The following FOXJ3 variants were observed in gnomAD, a reference collection of about 807,000 sequenced individuals.
FOXJ3 encodes forkhead box protein J3.
Under a neutral mutation model 76.1 loss-of-function variants are expected in FOXJ3, and 22 were observed. The observed-to-expected ratio is 0.29, with a 90% CI of 0.21 to 0.41. The LOEUF (loss-of-function observed/expected upper bound fraction) is 0.41. FOXJ3 is among the 10% of genes least tolerant of loss of function. The pLI is 1.00. For synonymous variants in FOXJ3, 269 were observed against 261.2 expected (o/e 1.03, Z -0.29); for missense variants, 613 against 762.1 (o/e 0.80, Z 2.30).
In FOXJ3 at chr1:42,278,542, G is replaced by A; in HGVS notation, c.175C>T (p.Leu59Phe). The A allele has an allele frequency of 6.2e-7, 1 of 1,614,124 alleles. No individual in the cohort carries two copies. Among genetic ancestry groups the A allele is most frequent in the Non-Finnish European group, 8.5e-7 (1 of 1,179,988 alleles). Residue 59 changes from leucine (L) to phenylalanine (F), a missense_variant, in exon 3 of 13, where the codon CTC becomes TTC. Around this residue, in one of 3 missense-constraint regions of FOXJ3, gnomAD observed 77 missense variants for 115.1 expected, o/e 0.67. Coordinates refer to ENST00000361346, the MANE Select transcript of FOXJ3 (RefSeq NM_014947.5). The stretch of plus-strand genomic sequence containing the variant: ...TCCAGAGTTGTATTTGGGTCAAGGA[G>A]TGCATTCTTCTTAGAAATTCCTGTT... Reference protein sequence around the residue: ...HGTGISKKNALLDPNTTLDQE... With the variant: ...HGTGISKKNAFLDPNTTLDQE...
chr1:42,179,854 G>T, intron 12 of FOXJ3, 29 bp from the exon 13 acceptor site: 1 of 1,409,854 alleles, frequency 7.1e-7, no homozygotes, highest in South Asian at 1.2e-5. Context: ...TAATAGCAGC[G>T]ACTTGGGTAG....
rs72637929 is a variant in FOXJ3, at chr1:42,265,592, T to C, written c.370-403A>G. ...CTTGGAAATAAGCCAGAATGCAAAATGTAAGAAGTTACTCTACATGAAATT... is the reference window on the plus strand; with the variant it reads ...CTTGGAAATAAGCCAGAATGCAAAACGTAAGAAGTTACTCTACATGAAATT... On this transcript the variant is annotated intron_variant, in intron 3 of 12. Coordinates refer to ENST00000361346, the MANE Select transcript of FOXJ3 (RefSeq NM_014947.5). Among the ~76,000 whole-genome samples the C allele has an allele frequency of 1.7e-3, 256 of 152,294 alleles. 8 individuals carry two copies. In the East Asian group the frequency reaches 0.046, roughly 27 times the overall value.
intron 3 of FOXJ3, among the ~76,000 whole-genome samples, chr1:42,272,317 A>C (rs1329573335): frequency 3.9e-5 from 6 of 152,234 alleles, no homozygotes; most frequent in Non-Finnish European, 7.3e-5. Context: ...GTTCTAAACA[A>C]AACTAAGGAG....
chr1:42,289,362 C>A (rs1284633217), intron 2 of FOXJ3, among the ~76,000 whole-genome samples: 1 of 152,036 alleles, frequency 6.6e-6, no homozygotes, highest in Non-Finnish European at 1.5e-5. Flanking sequence ...AACCTCTAAG[C>A]CTCAAAGAAG....
intron 2 of FOXJ3, among the ~76,000 whole-genome samples, chr1:42,278,941 T>A (rs542328820): frequency 6.6e-6 from 1 of 152,320 alleles, no homozygotes; most frequent in East Asian, 1.9e-4. Flanking sequence ...GTGGTTCCGA[T>A]GCCAATCTTT....
chr1:42,299,772 G>T (rs1298413783), intron 2 of FOXJ3, among the ~76,000 whole-genome samples: 1 of 152,092 alleles, frequency 6.6e-6, no homozygotes, highest in African/African-American at 2.4e-5. Context: ...GCCAGGTGTG[G>T]TGGTACACAC....
At chr1:42,205,276 ACAAC>A (rs1161925094) in intron 6 of FOXJ3, among the ~76,000 whole-genome samples, 2 of 152,202 alleles carry the variant, frequency 1.3e-5, no homozygotes, top group African/African-American at 4.8e-5. Flanking sequence ...AATGTAGCAA[ACAAC>A]CATGTACTAT....
intron 4 of FOXJ3, among the ~76,000 whole-genome samples, chr1:42,237,055 C>T: frequency 6.6e-6 from 1 of 151,742 alleles, no homozygotes; most frequent in Non-Finnish European, 1.5e-5. Context: ...ATCTTTTGCC[C>T]ATGTTTTATT....
intron 4 of FOXJ3, among the ~76,000 whole-genome samples, chr1:42,254,577 A>G (rs1650412378): frequency 6.7e-6 from 1 of 148,296 alleles, no homozygotes; most frequent in Admixed American, 6.8e-5. Flanking sequence ...AATGTCCAAC[A>G]ATGATAGACT....
chr1:42,311,123 G>A lies in FOXJ3; in HGVS notation c.-17-13C>T. On this transcript the variant is annotated splice_polypyrimidine_tract_variant and intron_variant, in intron 1 of 12. Coordinates refer to ENST00000361346, the MANE Select transcript of FOXJ3 (RefSeq NM_014947.5). ...CCACAAAGAGAATCTGAAAAGCAAAGAAGAGTTAGTTATCAGATACTGCAA... is the reference window on the plus strand; with the variant it reads ...CCACAAAGAGAATCTGAAAAGCAAAAAAGAGTTAGTTATCAGATACTGCAA... 2 of 1,572,816 alleles carry A rather than the reference G, an allele frequency of 1.3e-6. No homozygotes were observed. The highest frequency in any genetic ancestry group is 1.7e-6 in the Non-Finnish European group (2 of 1,158,256).
At chr1:42,183,269 G>A (rs1317469099) in intron 11 of FOXJ3, among the ~76,000 whole-genome samples, 1 of 129,030 alleles carries the variant, frequency 7.8e-6, no homozygotes, top group Non-Finnish European at 1.6e-5. Context: ...AGAAGAGAGA[G>A]GAGAGCGGAG....
intron 1 of FOXJ3, among the ~76,000 whole-genome samples, chr1:42,324,129 TATATACA>T (rs1213701730): frequency 1.0e-3 from 3 of 2,912 alleles, no homozygotes; most frequent in Non-Finnish European, 3.0e-3. Flanking sequence ...ATACACAGTG[TATATACA>T]GTATATATAC....
rs576314098 is a variant in FOXJ3, at chr1:42,252,435, T to TA, written c.444+12679_444+12680insT. Among the ~76,000 whole-genome samples, 754 of 152,304 alleles carry TA rather than the reference T, an allele frequency of 5.0e-3. 8 individuals carry two copies. Among genetic ancestry groups the TA allele is most frequent in the African/African-American group, 0.017 (711 of 41,576 alleles). On this transcript the variant is annotated intron_variant, in intron 4 of 12. Transcript: ENST00000361346. ...TAGAGGTGTTTGTAGTATTCTCTGA[T>TA]GGTAGTTTGTATTTCTGTGGGATCA...
chr1:42,266,033 T>C (rs1458369541), intron 3 of FOXJ3, among the ~76,000 whole-genome samples: 1 of 152,172 alleles, frequency 6.6e-6, no homozygotes, highest in African/African-American at 2.4e-5. Context: ...ATTATCTTGG[T>C]TTGTTCCCAA....
intron 7 of FOXJ3, among the ~76,000 whole-genome samples, chr1:42,196,704 A>C (rs1646658239): frequency 1.3e-5 from 2 of 152,180 alleles, no homozygotes; most frequent in African/African-American, 2.4e-5. Context: ...AAAACAACAA[A>C]AAAAGCAGTC....
At chr1:42,331,114 C>CT (rs1656134584) in intron 1 of FOXJ3, among the ~76,000 whole-genome samples, 1 of 152,108 alleles carries the variant, frequency 6.6e-6, no homozygotes, top group Non-Finnish European at 1.5e-5. Flanking sequence ...GGCGCGGTGG[C>CT]TTACACCTGT....
At chr1:42,239,454 A>G (rs1469809679) in intron 4 of FOXJ3, among the ~76,000 whole-genome samples, 2 of 150,434 alleles carry the variant, frequency 1.3e-5, no homozygotes, top group Non-Finnish European at 2.9e-5. Flanking sequence ...TATTTTTTCT[A>G]TACCTGACAT....
chr1:42,204,142 A>G (rs544172066), intron 6 of FOXJ3, among the ~76,000 whole-genome samples: 1 of 151,992 alleles, frequency 6.6e-6, no homozygotes, highest in Non-Finnish European at 1.5e-5. Context: ...TGTAGCCCCT[A>G]TGCCATGCAC....
chr1:42,180,144 GCT>G (rs1272729175), intron 12 of FOXJ3, among the ~76,000 whole-genome samples: 1 of 152,156 alleles, frequency 6.6e-6, no homozygotes, highest in African/African-American at 2.4e-5. Context: ...TGTAGCCACT[GCT>G]CTTACAGTCT....
Sources: allele counts gnomAD v4.1 joint callset (sites outside exome capture counted in the v4.1 genomes callset), GRCh38; gene constraint gnomAD v4.1.1; regional missense constraint gnomAD v4.1.1; transcripts MANE v1.5; gene names NCBI Gene and HGNC (gene_info 2026-07-23, HGNC 2026-07-21).